PRKN: variants seen among roughly 807,000 people sequenced by gnomAD.
PRKN encodes the protein E3 ubiquitin-protein ligase parkin.
PRKN carries 56 observed loss-of-function variants against 59.5 expected under a neutral mutation model. The ratio of observed to expected loss-of-function variants is 0.94; its 90% CI spans 0.76 to 1.18. The LOEUF is 1.18. PRKN is among the 50% of genes most tolerant of loss of function. The pLI, the probability that PRKN is intolerant of heterozygous loss-of-function variation, is 0.00. For missense variants in PRKN, 657 were observed against 596.4 expected (o/e 1.10, Z -1.06); for synonymous variants, 250 against 222.1 (o/e 1.13, Z -1.12).
chr6:162,196,703 G>C (rs540687981), intron 4 of PRKN, among the ~76,000 whole-genome samples: 16 of 152,176 alleles, frequency 1.1e-4, no homozygotes, highest in Non-Finnish European at 1.9e-4. Context: ...TCAGACATCA[G>C]TTCCCCATGC....
chr6:161,733,763 A>G (rs1787817318), intron 7 of PRKN, among the ~76,000 whole-genome samples: 1 of 104,056 alleles, frequency 9.6e-6, no homozygotes, highest in South Asian at 3.3e-4. Context: ...GAAAATTCCC[A>G]GGGGGTGAAA....
chr6:162,604,522 T>C (rs925049316), intron 1 of PRKN, among the ~76,000 whole-genome samples: 4 of 152,152 alleles, frequency 2.6e-5, no homozygotes, highest in Non-Finnish European at 4.4e-5. Flanking sequence ...ATAAGAAACC[T>C]GATTGATTCA....
chr6:162,727,381 AGCGGGGGTGCGGGGCC>A (rs1779306494), intron 1 of PRKN: 2 of 459,766 alleles, frequency 4.4e-6, no homozygotes, highest in Middle Eastern at 5.7e-4. Flanking sequence ...GCGAACGAGG[AGCGGGGGTGCGGGGCC>A]GCCTGGCGTC....
At chr6:161,831,029 T>C (rs1792476703) in intron 6 of PRKN, among the ~76,000 whole-genome samples, 1 of 152,122 alleles carries the variant, frequency 6.6e-6, no homozygotes, top group South Asian at 2.1e-4. Flanking sequence ...GTTATCCAGA[T>C]CCCTTTTTAT....
At chr6:161,906,024 G>C (rs1778132837) in intron 6 of PRKN, among the ~76,000 whole-genome samples, 1 of 151,554 alleles carries the variant, frequency 6.6e-6, no homozygotes, top group Non-Finnish European at 1.5e-5. Flanking sequence ...GAGAGACAGG[G>C]TCTCACTATG....
chr6:162,164,032 G>A (rs1782874330), intron 4 of PRKN, among the ~76,000 whole-genome samples: 1 of 149,162 alleles, frequency 6.7e-6, no homozygotes, highest in Non-Finnish European at 1.5e-5. Flanking sequence ...ATTTAAAGAT[G>A]AATAGGTTTT....
intron 7 of PRKN, among the ~76,000 whole-genome samples, chr6:161,752,185 C>T (rs1023873821): frequency 3.3e-5 from 5 of 151,618 alleles, no homozygotes; most frequent in East Asian, 2.0e-4. Context: ...TCCTGGCCAA[C>T]GTGGTGAAAC....
rs149211352 is a variant in PRKN at position 162,215,110 on chromosome 6, C to G, written c.413-13858G>C. ...CTCCATTTAATGTAAATCCCCTCCC[C>G]CTAAATGCCCACTACATTTGAGTTG... is the stretch of plus-strand genomic sequence containing the variant. On this transcript the variant is annotated intron_variant, in intron 3 of 11. Coordinates refer to ENST00000366898, the MANE Select transcript of PRKN (RefSeq NM_004562.3). 2.0e-3 allele frequency among the ~76,000 whole-genome samples: 308 copies of G among 152,288 alleles called. 3 individuals carry two copies. The highest frequency in any genetic ancestry group is 6.8e-3 in the African/African-American group (284 of 41,558).
intron 9 of PRKN, among the ~76,000 whole-genome samples, chr6:161,534,548 G>A (rs1211690129): frequency 6.6e-6 from 1 of 152,204 alleles, no homozygotes; most frequent in South Asian, 2.1e-4. Flanking sequence ...AAGGTGATGC[G>A]GAAACTGGGT....
In PRKN at chr6:161,561,725, G is replaced by A. The variant is rs531511271; in HGVS notation, c.933+7630C>T. Among the ~76,000 whole-genome samples the A allele has an allele frequency of 1.1e-4, 16 of 152,108 alleles. No individual in the cohort carries two copies. Among genetic ancestry groups the A allele is most frequent in the Non-Finnish European group, 1.8e-4 (12 of 67,994 alleles). The stretch of plus-strand genomic sequence containing the variant: ...TCTTGGATCTCTCTCTCAAATTACC[G>A]GTAATTCATCTCTGTGGAATCCTTC... On this transcript the variant is annotated intron_variant, in intron 8 of 11. Transcript: ENST00000366898. This position sits in a 1 kb window ranked among gnomAD's most constrained non-coding sequence, Gnocchi z 5.0.
intron 6 of PRKN, among the ~76,000 whole-genome samples, chr6:161,843,153 A>G (rs929179962): frequency 6.6e-5 from 10 of 152,198 alleles, no homozygotes; most frequent in African/African-American, 2.4e-4. Context: ...AGAGGATTGC[A>G]TAATTTAAGC....
At chr6:161,629,482 T>A (rs1412098880) in intron 7 of PRKN, among the ~76,000 whole-genome samples, 1 of 152,044 alleles carries the variant, frequency 6.6e-6, no homozygotes, top group Non-Finnish European at 1.5e-5. Flanking sequence ...CAGTCACCGT[T>A]TAACAGGCAT....
intron 2 of PRKN, among the ~76,000 whole-genome samples, chr6:162,303,725 T>C (rs1331522786): frequency 6.6e-6 from 1 of 152,182 alleles, no homozygotes; most frequent in African/African-American, 2.4e-5. Context: ...ACATTGTTTT[T>C]AAAAGTATAC....
At chr6:161,661,390 T>C (rs1468745883) in intron 7 of PRKN, among the ~76,000 whole-genome samples, 2 of 152,106 alleles carry the variant, frequency 1.3e-5, no homozygotes, top group Non-Finnish European at 2.9e-5. Flanking sequence ...TGCAGCTCCA[T>C]CTGCCTGGAA....
chr6:162,371,361 C>T (rs1785757151), intron 2 of PRKN, among the ~76,000 whole-genome samples: 1 of 152,154 alleles, frequency 6.6e-6, no homozygotes, highest in South Asian at 2.1e-4. Flanking sequence ...TGGTGACTCA[C>T]AGCCGCCCTC....
At chr6:162,014,703 C>CTT (rs1782868031) in intron 5 of PRKN, among the ~76,000 whole-genome samples, 1 of 152,114 alleles carries the variant, frequency 6.6e-6, no homozygotes, top group Admixed American at 6.5e-5. Flanking sequence ...AATGGCTACT[C>CTT]TGACACCTGG....
chr6:161,836,256 G>C (rs1792750319), intron 6 of PRKN, among the ~76,000 whole-genome samples: 1 of 152,128 alleles, frequency 6.6e-6, no homozygotes, highest in Admixed American at 6.5e-5. Context: ...AGGGTCCTGA[G>C]AGCCCTGCCA....
At chr6:162,311,866 T>C (rs1782532728) in intron 2 of PRKN, among the ~76,000 whole-genome samples, 3 of 152,056 alleles carry the variant, frequency 2.0e-5, no homozygotes, top group African/African-American at 7.2e-5. Flanking sequence ...ATATTCTTTT[T>C]CTTTTCACTG....
intron 2 of PRKN, among the ~76,000 whole-genome samples, chr6:162,411,354 C>T (rs886085354): frequency 6.6e-6 from 1 of 152,032 alleles, no homozygotes; most frequent in South Asian, 2.1e-4. Flanking sequence ...GAATCACTAA[C>T]AAATTTACTT....
Sources: allele counts gnomAD v4.1 joint callset (sites outside exome capture counted in the v4.1 genomes callset), GRCh38; gene constraint gnomAD v4.1.1; non-coding constraint Gnocchi (gnomAD v3.1); transcripts MANE v1.5; gene names NCBI Gene and HGNC (gene_info 2026-07-23, HGNC 2026-07-21).